The following CBFA2T2 variants were observed in gnomAD, a reference collection of about 807,000 sequenced individuals.
CBFA2T2 encodes the protein CBFA2/RUNX1 partner transcriptional co-repressor 2.
In CBFA2T2, 11 loss-of-function variants were observed where a neutral mutation model predicts 62.2. The observed-to-expected ratio is 0.18, with a 90% CI of 0.11 to 0.29. The LOEUF (loss-of-function observed/expected upper bound fraction) is 0.29, where lower values mean the gene tolerates loss of function less well. Among genes scored for constraint, CBFA2T2 ranks in the 10% least tolerant of loss-of-function variants. The probability of loss-of-function intolerance (pLI) is 1.00; values close to 1 mark genes in which losing one functional copy is unlikely to be tolerated. For synonymous variants in CBFA2T2, 295 were observed against 287.5 expected (o/e 1.03, Z -0.27); for missense variants, 592 against 774.1 (o/e 0.76, Z 2.79).
chr20:33,637,728 T>A (rs2016680126), intron 9 of CBFA2T2, among the ~76,000 whole-genome samples: 1 of 150,602 alleles, frequency 6.6e-6, no homozygotes, highest in Admixed American at 6.6e-5. Flanking sequence ...AGTGCAACGG[T>A]GTGATCTCGG....
chr20:33,625,961 G>T (rs979373950), intron 6 of CBFA2T2, among the ~76,000 whole-genome samples: 3 of 152,164 alleles, frequency 2.0e-5, no homozygotes, highest in Non-Finnish European at 4.4e-5. Context: ...ACTTAGCTGG[G>T]CGTGGTGGTG....
intron 1 of CBFA2T2, among the ~76,000 whole-genome samples, chr20:33,604,571 G>A (rs1295490879): frequency 3.3e-5 from 5 of 152,318 alleles, no homozygotes; most frequent in African/African-American, 9.6e-5. Flanking sequence ...TCTAGTGGCT[G>A]GGTTTGGCCC....
chr20:33,544,841 G>A lies in CBFA2T2; in HGVS notation c.34+54540G>A, dbSNP rs550117676. On this transcript the variant is annotated intron_variant, in intron 1 of 10. Coordinates refer to ENST00000342704, the MANE Select transcript of CBFA2T2 (RefSeq NM_001032999.3). The stretch of plus-strand genomic sequence containing the variant: ...ATTACAGGCGTGAGCCACTGTGCCC[G>A]GCCTATGTGGTTTATTGATGTATCT... Among the ~76,000 whole-genome samples, 8 of 152,208 alleles carry A rather than the reference G, an allele frequency of 5.3e-5. No individual in the cohort carries two copies. The South Asian group carries it at 1.0e-3, about 20-fold the overall frequency.
chr20:33,560,182 C>T (rs772502893), intron 1 of CBFA2T2, among the ~76,000 whole-genome samples: 16 of 152,054 alleles, frequency 1.1e-4, no homozygotes, highest in African/African-American at 3.4e-4. Context: ...AATTTGATAC[C>T]GGCTATTGGC....
intron 9 of CBFA2T2, chr20:33,639,228 CTG>C (rs1170119962): frequency 6.6e-6 from 1 of 152,242 alleles, no homozygotes; most frequent in Non-Finnish European, 1.5e-5. Flanking sequence ...GTTGCTATCT[CTG>C]TCTTTAATCT....
intron 1 of CBFA2T2, among the ~76,000 whole-genome samples, chr20:33,541,884 TTTTG>T (rs2012418557): frequency 6.6e-6 from 1 of 152,186 alleles, no homozygotes; most frequent in South Asian, 2.1e-4. Context: ...TTGTTTTTGT[TTTTG>T]TTTAATTTGA....
intron 1 of CBFA2T2, among the ~76,000 whole-genome samples, chr20:33,519,132 A>G (rs557409311): frequency 7.9e-5 from 12 of 152,298 alleles, no homozygotes; most frequent in Admixed American, 1.3e-4. Context: ...TTTTGCATCC[A>G]TGAATTCAGC....
At chr20:33,536,734 G>A (rs932050444) in intron 1 of CBFA2T2, among the ~76,000 whole-genome samples, 7 of 149,456 alleles carry the variant, frequency 4.7e-5, no homozygotes, top group African/African-American at 1.5e-4. Flanking sequence ...CAGACGGGGC[G>A]GCGGGGCAGA....
intron 1 of CBFA2T2, among the ~76,000 whole-genome samples, chr20:33,553,061 G>A (rs1263470243): frequency 6.6e-6 from 1 of 152,008 alleles, no homozygotes; most frequent in Non-Finnish European, 1.5e-5. Flanking sequence ...TATTATGTTT[G>A]TTTGTATGAT....
At chr20:33,601,307 C>G (rs750937999) in intron 1 of CBFA2T2, among the ~76,000 whole-genome samples, 3 of 152,126 alleles carry the variant, frequency 2.0e-5, no homozygotes, top group Admixed American at 1.3e-4. Flanking sequence ...CTCTGTCGCC[C>G]AGACTGGAGT....
At chr20:33,572,662 A>G (rs1312244924) in intron 1 of CBFA2T2, among the ~76,000 whole-genome samples, 1 of 152,192 alleles carries the variant, frequency 6.6e-6, no homozygotes, top group Non-Finnish European at 1.5e-5. Flanking sequence ...AGAATAGAAA[A>G]ATGGCCGATG....
intron 1 of CBFA2T2, among the ~76,000 whole-genome samples, chr20:33,591,751 C>T (rs920683491): frequency 6.6e-6 from 1 of 150,904 alleles, no homozygotes; most frequent in Non-Finnish European, 1.5e-5. Flanking sequence ...ACATTCTCTG[C>T]TCTCTTTTGC....
At chr20:33,583,718 G>A (rs919518180) in intron 1 of CBFA2T2, among the ~76,000 whole-genome samples, 2 of 152,120 alleles carry the variant, frequency 1.3e-5, no homozygotes, top group African/African-American at 2.4e-5. Context: ...GACAGATGCT[G>A]TCTACAGGGT....
intron 1 of CBFA2T2, among the ~76,000 whole-genome samples, chr20:33,515,639 T>A (rs2011587041): frequency 6.6e-6 from 1 of 151,384 alleles, no homozygotes; most frequent in South Asian, 2.1e-4. Context: ...CTGTCTCTAC[T>A]AAAAATACAA....
At chr20:33,507,445 A>G (rs1055861057) in intron 1 of CBFA2T2, among the ~76,000 whole-genome samples, 1 of 152,204 alleles carries the variant, frequency 6.6e-6, no homozygotes, top group South Asian at 2.1e-4. Context: ...GTTTTGAGCC[A>G]ATCTGTTTTT....
intron 4 of CBFA2T2, among the ~76,000 whole-genome samples, chr20:33,621,130 G>T (rs188095537): frequency 1.2e-3 from 185 of 152,116 alleles, no homozygotes; most frequent in South Asian, 3.1e-3. Flanking sequence ...TTCTATCTGC[G>T]CACCTGGATT....
intron 1 of CBFA2T2, among the ~76,000 whole-genome samples, chr20:33,578,622 T>C (rs2013947440): frequency 6.6e-6 from 1 of 152,214 alleles, no homozygotes; most frequent in Non-Finnish European, 1.5e-5. Flanking sequence ...GACATGGCAG[T>C]GTATTTCCAG....
chr20:33,519,058 G>A, intron 1 of CBFA2T2, among the ~76,000 whole-genome samples: 1 of 152,120 alleles, frequency 6.6e-6, no homozygotes, highest in East Asian at 1.9e-4. Context: ...ACTGGTAAAT[G>A]TAGGTTTCTA....
intron 1 of CBFA2T2, among the ~76,000 whole-genome samples, chr20:33,558,563 G>A (rs1323182314): frequency 6.6e-6 from 1 of 151,790 alleles, no homozygotes; most frequent in African/African-American, 2.4e-5. Context: ...TCATCATCTT[G>A]CCATTAACAT....
Sources: allele counts gnomAD v4.1 joint callset (sites outside exome capture counted in the v4.1 genomes callset), GRCh38; gene constraint gnomAD v4.1.1; transcripts MANE v1.5; gene names NCBI Gene and HGNC (gene_info 2026-07-23, HGNC 2026-07-21).